Variants in SPRY3 observed in about 807,000 individuals in gnomAD.
SPRY3 encodes sprouty RTK signaling antagonist 3.
A neutral mutation model predicts 20.2 loss-of-function variants in SPRY3; 15 were observed. The observed-to-expected ratio is 0.74, with a 90% confidence interval of 0.50 to 1.14. The LOEUF (loss-of-function observed/expected upper bound fraction) is 1.14. SPRY3 is among the 50% of genes most tolerant of loss of function. SPRY3 has a pLI of 0.00. For synonymous variants in SPRY3, 143 were observed against 136.5 expected (o/e 1.05, Z -0.33); for missense variants, 364 against 363.9 (o/e 1.00, Z 0.00).
intron 2 of SPRY3, among the ~76,000 whole-genome samples, chrX:155,692,189 T>A (rs2068104832): frequency 9.0e-6 from 1 of 110,864 alleles, no homozygotes; most frequent in African/African-American, 3.3e-5. Flanking sequence ...CAGCTTTATA[T>A]TTTACATTTA....
At chrX:155,669,496 A>C (rs1443670494) in intron 2 of SPRY3, among the ~76,000 whole-genome samples, 1 of 111,014 alleles carries the variant, frequency 9.0e-6, no homozygotes, top group Non-Finnish European at 1.9e-5. Context: ...AGCTAGTATA[A>C]AACAAAACAA....
intron 3 of SPRY3, among the ~76,000 whole-genome samples, chrX:155,769,200 T>C (rs1242210164): frequency 6.6e-6 from 1 of 152,214 alleles, no homozygotes; most frequent in African/African-American, 2.4e-5. Flanking sequence ...TTTTTAGGTC[T>C]CTCTAGCTGT....
At chrX:155,708,047 G>A (rs1341391382) in intron 2 of SPRY3, among the ~76,000 whole-genome samples, 2 of 150,936 alleles carry the variant, frequency 1.3e-5, no homozygotes, top group Non-Finnish European at 3.0e-5. Flanking sequence ...TAATTCTTCT[G>A]TTGAGTTTTT....
intron 2 of SPRY3, among the ~76,000 whole-genome samples, chrX:155,674,761 AT>A (rs1318163362): frequency 9.1e-6 from 1 of 110,104 alleles, no homozygotes; most frequent in Non-Finnish European, 1.9e-5. Flanking sequence ...TATCTTGTGT[AT>A]TTGAAAGATT....
At chrX:155,688,581 C>T (rs73562846) in intron 2 of SPRY3, among the ~76,000 whole-genome samples, 12,306 of 110,614 alleles carry the variant, frequency 0.11, 634 homozygotes, top group Non-Finnish European at 0.15. Flanking sequence ...GCCATTGTGA[C>T]GGATCTGACA....
At chrX:155,682,261 G>A (rs2068075853) in intron 2 of SPRY3, among the ~76,000 whole-genome samples, 1 of 112,638 alleles carries the variant, frequency 8.9e-6, no homozygotes, top group Non-Finnish European at 1.9e-5. Context: ...CCTGTTTACA[G>A]CATAGTTTAC....
chrX:155,726,446 G>A (rs1385079302), intron 2 of SPRY3, among the ~76,000 whole-genome samples: 3 of 152,054 alleles, frequency 2.0e-5, no homozygotes, highest in Admixed American at 6.6e-5. Context: ...ATTATTGTGT[G>A]GGAGTCTAAG....
intron 2 of SPRY3, among the ~76,000 whole-genome samples, chrX:155,691,258 A>G (rs765640312): frequency 2.3e-5 from 2 of 87,683 alleles, no homozygotes; most frequent in South Asian, 9.3e-4. Flanking sequence ...TTGCTCAATT[A>G]TATCAACTTT....
At chrX:155,775,435 G>C (rs1158228242) in exon 4 of SPRY3, 1 of 166,966 alleles carries the variant, frequency 6.0e-6, no homozygotes, top group Non-Finnish European at 1.5e-5. Flanking sequence ...GTCCAAAAGT[G>C]CTGTTTTTCC....
chrX:155,625,700 T>C (rs1345587511), intron 1 of SPRY3, among the ~76,000 whole-genome samples: 5 of 111,173 alleles, frequency 4.5e-5, no homozygotes, highest in African/African-American at 1.3e-4. Flanking sequence ...AAATTTTCAT[T>C]ACCCCAAAAA....
chrX:155,735,916 G>A (rs1429781092), intron 2 of SPRY3, among the ~76,000 whole-genome samples: 1 of 149,816 alleles, frequency 6.7e-6, no homozygotes, highest in South Asian at 2.1e-4. Context: ...TTCTTTCCTG[G>A]TTTAAGTTGA....
chrX:155,741,137 C>T (rs114498992), intron 2 of SPRY3, among the ~76,000 whole-genome samples: 3,569 of 151,994 alleles, frequency 0.023, 120 homozygotes, highest in African/African-American at 0.079. Flanking sequence ...ACCAGGATAG[C>T]CAGTTAAGAG....
intron 2 of SPRY3, among the ~76,000 whole-genome samples, chrX:155,669,466 A>G (rs1479960384): frequency 9.0e-6 from 1 of 111,067 alleles, no homozygotes; most frequent in Admixed American, 9.7e-5. Flanking sequence ...TGAGTATAGT[A>G]TAATTTTGAT....
intron 2 of SPRY3, among the ~76,000 whole-genome samples, chrX:155,697,480 C>A (rs1488136945): frequency 9.7e-6 from 1 of 102,844 alleles, no homozygotes; most frequent in Non-Finnish European, 2.0e-5. Flanking sequence ...GCCAATTAGC[C>A]AATTTTTTTA....
intron 2 of SPRY3, among the ~76,000 whole-genome samples, chrX:155,667,320 G>A (rs1296187213): frequency 7.2e-5 from 8 of 111,053 alleles, no homozygotes; most frequent in Non-Finnish European, 1.3e-4. Flanking sequence ...AAATGCTGAT[G>A]TGAAGGAGCC....
chrX:155,721,355 T>C (rs1479258793), intron 2 of SPRY3, among the ~76,000 whole-genome samples: 1 of 151,890 alleles, frequency 6.6e-6, no homozygotes, highest in African/African-American at 2.4e-5. Flanking sequence ...AAAGAGGAGG[T>C]ACAGGGGTAG....
intron 3 of SPRY3, among the ~76,000 whole-genome samples, chrX:155,770,628 T>TC (rs2091374723): frequency 6.8e-6 from 1 of 146,444 alleles, no homozygotes; most frequent in Admixed American, 6.9e-5. Flanking sequence ...GATGTGTACA[T>TC]TCTCTCTCTC....
chrX:155,633,687 T>C (rs899323400), intron 1 of SPRY3, among the ~76,000 whole-genome samples: 7 of 111,164 alleles, frequency 6.3e-5, no homozygotes, highest in Non-Finnish European at 1.3e-4. Flanking sequence ...GATAGTGGAG[T>C]TTTGACCTAT....
intron 1 of SPRY3, among the ~76,000 whole-genome samples, chrX:155,642,678 C>T (rs2067945858): frequency 9.0e-6 from 1 of 111,181 alleles, no homozygotes; most frequent in African/African-American, 3.3e-5. Context: ...GTTGTGTTTC[C>T]ATTATCATTT....
Sources: gnomAD v4.1 joint callset for allele counts (sites outside exome capture counted in the v4.1 genomes callset) on GRCh38, gnomAD v4.1.1 for gene constraint, MANE v1.5 for transcripts, NCBI Gene and HGNC (gene_info 2026-07-23, HGNC 2026-07-21) for gene names.